Variants in SIPA1L3 observed in about 807,000 individuals in gnomAD.
SIPA1L3 encodes the protein signal-induced proliferation-associated 1-like protein 3.
SIPA1L3 carries 59 observed loss-of-function variants against 150.1 expected under a neutral mutation model. The observed-to-expected ratio is 0.39, with a 90% confidence interval of 0.32 to 0.49. The LOEUF (loss-of-function observed/expected upper bound fraction) is 0.49. Among genes scored for constraint, SIPA1L3 ranks in the 20% least tolerant of loss-of-function variants. The pLI is 0.86. For synonymous variants in SIPA1L3, 1,070 were observed against 1,077.6 expected, an observed-to-expected ratio of 0.99 and a Z score of 0.14; for missense variants, 2,211 against 2,489.5, an observed-to-expected ratio of 0.89 and a Z score of 2.38.
chr19:37,941,844 T>TA, intron 1 of SIPA1L3, among the ~76,000 whole-genome samples: 1 of 152,276 alleles, frequency 6.6e-6, no homozygotes, highest in East Asian at 1.9e-4. Flanking sequence ...AAAAGAACAA[T>TA]AAAGGGCTCT....
chr19:38,164,989 C>T lies in SIPA1L3; in HGVS notation c.4208+83C>T, dbSNP rs1323093348. ...TTACGGTCCTGATGGTGGGGTTCTCCTCCCCAGAAACACACTCACGGATGA... is the reference window on the plus strand; with the variant it reads ...TTACGGTCCTGATGGTGGGGTTCTCTTCCCCAGAAACACACTCACGGATGA... On this transcript the variant is annotated intron_variant, in intron 15 of 21. Transcript: ENST00000222345. The surrounding 1 kb of genome is among the most constrained non-coding windows in gnomAD (Gnocchi z 4.1). 3.0e-6 allele frequency: 4 copies of T among 1,316,570 alleles called. No homozygotes were observed. Among genetic ancestry groups the T allele is most frequent in the Non-Finnish European group, 3.0e-6 (3 of 985,298 alleles). The allele number at this position is 1,316,570 out of a possible 1,614,324, so 81.6% of individuals were successfully genotyped here. A position where few individuals can be genotyped will look rare whatever the true frequency, so the allele number is the denominator to read the frequency against.
At chr19:38,060,254 T>G (rs1410426479) in intron 2 of SIPA1L3, among the ~76,000 whole-genome samples, 3 of 152,262 alleles carry the variant, frequency 2.0e-5, no homozygotes, top group African/African-American at 7.2e-5. Flanking sequence ...GCTTTTTCAC[T>G]TAGTATCATG....
intron 1 of SIPA1L3, among the ~76,000 whole-genome samples, chr19:37,945,215 ACTGT>A (rs559442193): frequency 3.3e-5 from 5 of 151,804 alleles, no homozygotes; most frequent in Non-Finnish European, 7.4e-5. Context: ...CAAGTCAGAG[ACTGT>A]CTGTACTCAT....
intron 1 of SIPA1L3, chr19:37,964,939 A>G (rs1430311600): frequency 1.3e-5 from 2 of 152,180 alleles, no homozygotes; most frequent in Non-Finnish European, 2.9e-5. Flanking sequence ...TAATTGTGAC[A>G]TGCAGCTGAG....
In SIPA1L3 at chr19:38,186,882, T is replaced by A. The variant is rs112142698; in HGVS notation, c.4430+4142T>A. On this transcript the variant is annotated intron_variant, in intron 16 of 21. Coordinates refer to ENST00000222345, the MANE Select transcript of SIPA1L3 (RefSeq NM_015073.3). ...TCGCATGCCTGTAATCTGTTCCACA[T>A]CCCATGTACAGCTACTCGGGAGGCT... is the stretch of plus-strand genomic sequence containing the variant. 7.1e-4 allele frequency among the ~76,000 whole-genome samples: 107 copies of A among 150,284 alleles called. 1 individual carries two copies. Among genetic ancestry groups the A allele is most frequent in the Non-Finnish European group, 1.4e-3 (92 of 67,644 alleles).
chr19:38,018,538 G>A (rs1411085067), intron 1 of SIPA1L3, among the ~76,000 whole-genome samples: 1 of 152,066 alleles, frequency 6.6e-6, no homozygotes, highest in Non-Finnish European at 1.5e-5. Context: ...TTTTGTGACC[G>A]GCTTTCACTC....
intron 2 of SIPA1L3, among the ~76,000 whole-genome samples, chr19:38,032,997 T>TC (rs1210485272): frequency 6.6e-6 from 1 of 152,224 alleles, no homozygotes; most frequent in Non-Finnish European, 1.5e-5. Flanking sequence ...AAGGAAGGCC[T>TC]CTCTGAGGAG....
At chr19:38,079,768 C>A (rs1264463922) in intron 2 of SIPA1L3, among the ~76,000 whole-genome samples, 1 of 152,108 alleles carries the variant, frequency 6.6e-6, no homozygotes. Context: ...GTTGGCCAGG[C>A]TGGTCTTGAG....
At chr19:37,934,640 T>C (rs2046584220) in intron 1 of SIPA1L3, among the ~76,000 whole-genome samples, 1 of 152,196 alleles carries the variant, frequency 6.6e-6, no homozygotes. Context: ...TTTAATATTT[T>C]CGGTCTGTCC....
At chr19:38,150,475 C>T (rs1971794772) in intron 12 of SIPA1L3, among the ~76,000 whole-genome samples, 1 of 151,902 alleles carries the variant, frequency 6.6e-6, no homozygotes, top group African/African-American at 2.4e-5. Context: ...ACCAGATCCT[C>T]CCAAGTTGAA....
intron 2 of SIPA1L3, among the ~76,000 whole-genome samples, chr19:38,056,110 G>T (rs1969308257): frequency 6.6e-6 from 1 of 152,200 alleles, no homozygotes; most frequent in Non-Finnish European, 1.5e-5. Context: ...CACCCACCAG[G>T]TACCCGGCTG....
chr19:38,007,402 G>A (rs574911231), intron 1 of SIPA1L3, among the ~76,000 whole-genome samples: 89 of 146,824 alleles, frequency 6.1e-4, no homozygotes, highest in African/African-American at 1.9e-3. Context: ...GCGGTGAGCC[G>A]AGATCACGCC....
At chr19:38,199,277 C>T (rs939680701) in intron 19 of SIPA1L3, among the ~76,000 whole-genome samples, 1 of 152,210 alleles carries the variant, frequency 6.6e-6, no homozygotes, top group Non-Finnish European at 1.5e-5. Flanking sequence ...AGTTCCAGGA[C>T]AGTGGGAAGT....
chr19:38,189,943 G>A (rs1214934393), intron 16 of SIPA1L3, among the ~76,000 whole-genome samples: 1 of 152,126 alleles, frequency 6.6e-6, no homozygotes, highest in African/African-American at 2.4e-5. Context: ...ACGCCATGTG[G>A]ATCTGCCATG....
intron 4 of SIPA1L3, among the ~76,000 whole-genome samples, chr19:38,089,328 CAAAAAAAAAAAA>C (rs55806031): frequency 1.6e-5 from 1 of 64,288 alleles, no homozygotes; most frequent in Admixed American, 1.7e-4. Flanking sequence ...GACTGTGTCT[CAAAAAAAAAAAA>C]AAAAAAAGAA....
intron 8 of SIPA1L3, among the ~76,000 whole-genome samples, chr19:38,112,013 A>C (rs9710587): frequency 2.0e-5 from 3 of 150,498 alleles, no homozygotes; most frequent in South Asian, 4.2e-4. Flanking sequence ...AGGCACACAC[A>C]TGCACACACA....
intron 1 of SIPA1L3, among the ~76,000 whole-genome samples, chr19:37,984,062 C>T (rs1967275382): frequency 6.6e-6 from 1 of 152,130 alleles, no homozygotes; most frequent in South Asian, 2.1e-4. Flanking sequence ...GGGAGAAAGA[C>T]CCAGCCCGGC....
chr19:38,193,565 C>A lies in SIPA1L3; in HGVS notation c.4625C>A (p.Thr1542Lys). ...TCACCGCAGAAGGGCCTGCAGCGGACGCTGTCGGACGAGAGCCTGTGCAGC... is the reference window on the plus strand; with the variant it reads ...TCACCGCAGAAGGGCCTGCAGCGGAAGCTGTCGGACGAGAGCCTGTGCAGC... ...GQSPQKGLQR[T>K]LSDESLCSGR... Residue 1542 changes from threonine to lysine, a missense_variant, in exon 18 of 22, where the codon ACG becomes AAG. By Grantham distance (78) the Thr-to-Lys change is moderately conservative (BLOSUM62 -1). This residue lies in a region of SIPA1L3 where 806 missense variants were observed against 870.1 expected (regional missense o/e 0.93). Coordinates refer to ENST00000222345, the MANE Select transcript of SIPA1L3 (RefSeq NM_015073.3). 6.6e-7 allele frequency: 1 copy of A among 1,522,626 alleles called. No individual in the cohort carries two copies. The highest frequency in any genetic ancestry group is 8.7e-7 in the Non-Finnish European group (1 of 1,145,418). The allele number at this position is 1,522,626 out of a possible 1,614,324, so 94.3% of individuals were successfully genotyped here. A position where few individuals can be genotyped will look rare whatever the true frequency, so the allele number is the denominator to read the frequency against.
At chr19:37,980,600 G>C (rs1450903287) in intron 1 of SIPA1L3, among the ~76,000 whole-genome samples, 2 of 152,172 alleles carry the variant, frequency 1.3e-5, no homozygotes, top group African/African-American at 4.8e-5. Flanking sequence ...GGGAAGGCCT[G>C]GGAGGCTGAG....
Sources: gnomAD v4.1 joint callset for allele counts (sites outside exome capture counted in the v4.1 genomes callset) on GRCh38, gnomAD v4.1.1 for gene constraint, gnomAD v4.1.1 regional missense constraint, Gnocchi (gnomAD v3.1) non-coding constraint, MANE v1.5 for transcripts, NCBI Gene and HGNC (gene_info 2026-07-23, HGNC 2026-07-21) for gene names.